DUSP16: variants seen among roughly 807,000 people sequenced by gnomAD.
DUSP16 encodes dual specificity phosphatase 16.
A neutral mutation model predicts 58.3 loss-of-function variants in DUSP16; 21 were observed. The ratio of observed to expected loss-of-function variants is 0.36; its 90% CI spans 0.26 to 0.52. The LOEUF (loss-of-function observed/expected upper bound fraction) is 0.52. DUSP16 is among the 20% of genes least tolerant of loss of function. The pLI, the probability that DUSP16 is intolerant of heterozygous loss-of-function variation, is 0.94. For synonymous variants in DUSP16, 320 were observed against 323.8 expected, an observed-to-expected ratio of 0.99 and a Z score of 0.12; for missense variants, 726 against 819.0, an observed-to-expected ratio of 0.89 and a Z score of 1.39.
chr12:12,533,525 C>G (rs1452656022), intron 1 of DUSP16, among the ~76,000 whole-genome samples: 1 of 152,188 alleles, frequency 6.6e-6, no homozygotes, highest in Non-Finnish European at 1.5e-5. Flanking sequence ...CCAGGGGTAG[C>G]TGCAGGCCCC....
intron 1 of DUSP16, among the ~76,000 whole-genome samples, chr12:12,546,764 G>C (rs75426337): frequency 0.064 from 9,805 of 152,074 alleles, 472 homozygotes; most frequent in East Asian, 0.21. Flanking sequence ...TCCTCCTATA[G>C]TATTGTCAGC....
chr12:12,483,958 TAAAGTA>T (rs2136193603), intron 5 of DUSP16, among the ~76,000 whole-genome samples: 1 of 81,478 alleles, frequency 1.2e-5, no homozygotes, highest in African/African-American at 3.4e-5. Context: ...CCCTAAAACT[TAAAGTA>T]TAATAATAAA....
intron 1 of DUSP16, among the ~76,000 whole-genome samples, chr12:12,531,538 A>G (rs1243085016): frequency 6.6e-6 from 1 of 152,202 alleles, no homozygotes; most frequent in Admixed American, 6.5e-5. Context: ...GAACGTAGTA[A>G]AATATCAAAT....
At chr12:12,506,623 G>A (rs1944000968) in intron 3 of DUSP16, among the ~76,000 whole-genome samples, 1 of 152,164 alleles carries the variant, frequency 6.6e-6, no homozygotes, top group Non-Finnish European at 1.5e-5. Context: ...CCCTAACATG[G>A]ACCTGAACCT....
rs1287556411 is a variant in DUSP16 at position 12,477,490 on chromosome 12, A to G, written c.1341T>C (p.Pro447=). 1.3e-6 allele frequency: 2 copies of G among 1,596,736 alleles called. No individual in the cohort carries two copies. The highest frequency in any genetic ancestry group is 1.7e-4 in the Middle Eastern group (1 of 5,972). ...GAGTCTGCTCCGATAGTTCCTGAAC[A>G]GGGGAGAACTGGCATAGCTTGTTGG... ...DGTNKLCQFS[P]VQELSEQTPE... is the part of the protein sequence containing the mutation. Residue 447 remains proline (P), a synonymous_variant, in exon 7 of 7, where the codon CCT becomes CCC. Coordinates refer to ENST00000298573, the MANE Select transcript of DUSP16 (RefSeq NM_030640.3). The surrounding 1 kb of genome is among the most constrained non-coding windows in gnomAD (Gnocchi z 4.1).
chr12:12,539,070 T>C (rs966654950), intron 1 of DUSP16, among the ~76,000 whole-genome samples: 1 of 152,128 alleles, frequency 6.6e-6, no homozygotes, highest in Non-Finnish European at 1.5e-5. Flanking sequence ...CAGGCATCAG[T>C]ATTTTTCACA....
intron 5 of DUSP16, among the ~76,000 whole-genome samples, chr12:12,483,247 CCAGCTCA>C (rs749610865): frequency 3.9e-5 from 6 of 152,038 alleles, no homozygotes; most frequent in Non-Finnish European, 7.4e-5. Context: ...GTTACAGAGT[CCAGCTCA>C]AAGGACAGAA....
intron 3 of DUSP16, among the ~76,000 whole-genome samples, chr12:12,503,499 G>T (rs931903345): frequency 1.3e-5 from 2 of 151,798 alleles, no homozygotes; most frequent in African/African-American, 4.8e-5. Flanking sequence ...TTTTTGTTAC[G>T]GTGATCAAAC....
chr12:12,517,461 G>C (rs963247928), intron 3 of DUSP16, among the ~76,000 whole-genome samples: 1 of 152,120 alleles, frequency 6.6e-6, no homozygotes, highest in Non-Finnish European at 1.5e-5. Context: ...ATGTCCTTCT[G>C]TCCCACATCC....
intron 1 of DUSP16, among the ~76,000 whole-genome samples, chr12:12,537,018 G>A (rs1224910586): frequency 6.6e-6 from 1 of 152,084 alleles, no homozygotes; most frequent in Non-Finnish European, 1.5e-5. Context: ...TATCTAGCCT[G>A]GGCAACAAGA....
chr12:12,489,141 CTT>C (rs1943726915), intron 4 of DUSP16, among the ~76,000 whole-genome samples: 1 of 152,264 alleles, frequency 6.6e-6, no homozygotes, highest in Admixed American at 6.5e-5. Flanking sequence ...GCAACCATCT[CTT>C]ATCTCTGAGA....
At chr12:12,542,480 G>A (rs1944578392) in intron 1 of DUSP16, among the ~76,000 whole-genome samples, 3 of 152,172 alleles carry the variant, frequency 2.0e-5, no homozygotes, top group African/African-American at 7.2e-5. Flanking sequence ...TGGGAGGAGT[G>A]GGAAATGGTG....
chr12:12,476,119 A>C lies in DUSP16; in HGVS notation c.*714T>G, dbSNP rs554037716. ...ATCTAGGCCCACGGGAATTTTGTGCATAGACAGTTTGAATTGGTCTGAAAA... is the reference window on the plus strand; with the variant it reads ...ATCTAGGCCCACGGGAATTTTGTGCCTAGACAGTTTGAATTGGTCTGAAAA... On this transcript the variant is annotated 3_prime_UTR_variant, in exon 7 of 7. Coordinates refer to ENST00000298573, the MANE Select transcript of DUSP16 (RefSeq NM_030640.3). 53 of 152,744 alleles carry C rather than the reference A, an allele frequency of 3.5e-4. 1 individual carries two copies. The highest frequency in any genetic ancestry group is 1.3e-3 in the African/African-American group (52 of 41,558). The allele number at this position is 152,744 out of a possible 1,614,324, so 9.5% of individuals were successfully genotyped here.
At chr12:12,561,549 C>A (rs1005422801) in intron 1 of DUSP16, among the ~76,000 whole-genome samples, 1 of 152,182 alleles carries the variant, frequency 6.6e-6, no homozygotes, top group Non-Finnish European at 1.5e-5. Flanking sequence ...CCCCCAACGC[C>A]AAGACCCGAG....
chr12:12,540,944 C>CTTT lies in DUSP16; in HGVS notation c.-365-19484_-365-19482dup, dbSNP rs1199026965. On this transcript the variant is annotated intron_variant, in intron 1 of 6. Coordinates refer to ENST00000298573, the MANE Select transcript of DUSP16 (RefSeq NM_030640.3). ...CAGTTGCTTTTTTTTCTTTTCTTTTCTTTTCTTTTTTTTTTTTTTTTTTTT... is the reference window on the plus strand; with the variant it reads ...CAGTTGCTTTTTTTTCTTTTCTTTTCTTTTTTTCTTTTTTTTTTTTTTTTTTTT... Among the ~76,000 whole-genome samples the CTTT allele has an allele frequency of 7.7e-4, 78 of 100,650 alleles. 1 individual carries two copies. Among genetic ancestry groups the CTTT allele is most frequent in the African/African-American group, 2.2e-3 (55 of 24,726 alleles). 66.0% of individuals were successfully genotyped at this position (100,650 alleles called of 152,430 possible). A position where few individuals can be genotyped will look rare whatever the true frequency, so the allele number is the denominator to read the frequency against.
intron 3 of DUSP16, among the ~76,000 whole-genome samples, chr12:12,519,546 A>G (rs1351148587): frequency 6.6e-6 from 1 of 152,136 alleles, no homozygotes; most frequent in African/African-American, 2.4e-5. Context: ...GTGTTCTTAC[A>G]TCACAGGTGA....
At position 12,520,893 on chromosome 12, in the gene DUSP16, A is replaced by G; in HGVS notation, c.206T>C (p.Ile69Thr). 6.2e-7 allele frequency: 1 copy of G among 1,614,192 alleles called. No homozygotes were observed. The highest frequency in any genetic ancestry group is 1.3e-5 in the African/African-American group (1 of 75,058). Residue 69 changes from isoleucine (I) to threonine (T), a missense_variant, in exon 2 of 7, where the codon ATC (isoleucine) becomes ACC (threonine). Physicochemically the swap from Ile to Thr is moderately conservative, Grantham distance 89. Coordinates refer to ENST00000298573, the MANE Select transcript of DUSP16 (RefSeq NM_030640.3). ...QQDKVLITEL[I>T]QHSAKHKVDI... ...TACCTTATGTTTCGCTGAATGCTGG[A>G]TGAGCTCTGTAATTAACACTTTGTC... is the stretch of plus-strand genomic sequence containing the variant.
chr12:12,520,983 G>A lies in DUSP16; in HGVS notation c.116C>T (p.Thr39Ile), dbSNP rs1200467368. The change falls in exon 2 of 7, where the codon ACA (threonine) becomes ATA (isoleucine). Residue 39 changes from threonine (T) to isoleucine (I), a missense_variant. Transcript: ENST00000298573. The part of the protein sequence containing the change: ...IDSRPFVEYN[T>I]SHILEAININ... ...ATTAATGGCTTCCAAAATGTGGGAT[G>A]TATTGTATTCCACAAATGGCCGGCT... 4 of 1,614,198 alleles carry A rather than the reference G, an allele frequency of 2.5e-6. No homozygotes were observed. The highest frequency in any genetic ancestry group is 2.2e-5 in the South Asian group (2 of 91,086).
intron 1 of DUSP16, among the ~76,000 whole-genome samples, chr12:12,530,143 G>A (rs1944364207): frequency 6.6e-6 from 1 of 152,092 alleles, no homozygotes; most frequent in South Asian, 2.1e-4. Context: ...CAGTGTATAA[G>A]GGTTTTCCTT....
Sources: gnomAD v4.1 joint callset for allele counts (sites outside exome capture counted in the v4.1 genomes callset) on GRCh38, gnomAD v4.1.1 for gene constraint, Gnocchi (gnomAD v3.1) non-coding constraint, MANE v1.5 for transcripts, NCBI Gene and HGNC (gene_info 2026-07-23, HGNC 2026-07-21) for gene names.